EYS: variants seen among roughly 807,000 people sequenced by gnomAD.
EYS encodes protein eyes shut homolog.
EYS carries 250 observed loss-of-function variants against 282.1 expected under a neutral mutation model. That is an observed-to-expected ratio of 0.89 (90% CI 0.80 to 0.98). The LOEUF (loss-of-function observed/expected upper bound fraction) is 0.98, where lower values mean the gene tolerates loss of function less well. EYS is among the 50% of genes least tolerant of loss of function. The pLI is 0.00. For synonymous variants in EYS, 1,355 were observed against 1,282.9 expected (o/e 1.06, Z -1.20); for missense variants, 4,016 against 3,709.0 (o/e 1.08, Z -2.15).
At chr6:65,415,158 T>C (rs752254590) in intron 5 of EYS, among the ~76,000 whole-genome samples, 8 of 152,010 alleles carry the variant, frequency 5.3e-5, no homozygotes, top group Non-Finnish European at 1.0e-4. Flanking sequence ...TATGGTATAG[T>C]GGGGATAAAC....
chr6:64,347,396 T>G (rs972460618), intron 29 of EYS, among the ~76,000 whole-genome samples: 5 of 151,418 alleles, frequency 3.3e-5, no homozygotes, highest in Admixed American at 2.0e-4. Context: ...GAAATGTGTA[T>G]AGAATATTTA....
chr6:65,008,321 C>G (rs1771752177), intron 13 of EYS, among the ~76,000 whole-genome samples: 1 of 152,010 alleles, frequency 6.6e-6, no homozygotes, highest in Admixed American at 6.6e-5. Flanking sequence ...ATTTATCACT[C>G]AATCAGCTGC....
chr6:65,583,604 C>T (rs927741100), intron 2 of EYS, among the ~76,000 whole-genome samples: 4 of 152,048 alleles, frequency 2.6e-5, no homozygotes, highest in Non-Finnish European at 5.9e-5. Context: ...AATATCTTCA[C>T]TTTTTAAAGT....
intron 2 of EYS, among the ~76,000 whole-genome samples, chr6:65,616,677 T>C (rs1766209143): frequency 6.6e-6 from 1 of 151,718 alleles, no homozygotes; most frequent in Non-Finnish European, 1.5e-5. Flanking sequence ...TCCTAGCTAC[T>C]CGGAAGGCTG....
chr6:64,244,021 G>A (rs1382038604), intron 30 of EYS, among the ~76,000 whole-genome samples: 1 of 151,984 alleles, frequency 6.6e-6, no homozygotes, highest in Admixed American at 6.6e-5. Flanking sequence ...AATGTCCCCA[G>A]TTTTCATTTT....
intron 33 of EYS, among the ~76,000 whole-genome samples, chr6:64,041,521 C>T (rs1465338344): frequency 1.3e-5 from 2 of 152,032 alleles, no homozygotes; most frequent in African/African-American, 4.8e-5. Context: ...AAAATGTTGC[C>T]CTTTTAATGT....
intron 31 of EYS, among the ~76,000 whole-genome samples, chr6:64,094,273 A>T (rs934022273): frequency 6.6e-6 from 1 of 151,874 alleles, no homozygotes; most frequent in African/African-American, 2.4e-5. Flanking sequence ...GCCTTATAAA[A>T]CAAGTTAAGG....
intron 22 of EYS, among the ~76,000 whole-genome samples, chr6:64,808,779 T>C (rs1300727312): frequency 6.6e-6 from 1 of 152,116 alleles, no homozygotes; most frequent in African/African-American, 2.4e-5. Context: ...AAATGAATAC[T>C]AGCTATCTTA....
chr6:63,998,483 T>C (rs150467115), intron 34 of EYS, among the ~76,000 whole-genome samples: 299 of 152,332 alleles, frequency 2.0e-3, no homozygotes, highest in African/African-American at 6.7e-3. Flanking sequence ...TTCTCCATGA[T>C]GATCAAATGA....
chr6:63,765,802 C>T (rs1278360662), intron 40 of EYS, among the ~76,000 whole-genome samples: 1 of 152,006 alleles, frequency 6.6e-6, no homozygotes, highest in East Asian at 1.9e-4. Context: ...TTACCTACCA[C>T]CGTTCTCAGC....
intron 33 of EYS, among the ~76,000 whole-genome samples, chr6:64,045,088 C>T (rs1770557460): frequency 6.6e-6 from 1 of 152,166 alleles, no homozygotes; most frequent in African/African-American, 2.4e-5. Flanking sequence ...TGTGAGCACA[C>T]AGGCCATTCA....
chr6:65,605,080 A>G (rs1765740824), intron 2 of EYS, among the ~76,000 whole-genome samples: 1 of 150,940 alleles, frequency 6.6e-6, no homozygotes, highest in East Asian at 2.0e-4. Context: ...CCTGGACTCA[A>G]GCAATCCTCC....
intron 1 of EYS, among the ~76,000 whole-genome samples, chr6:65,682,416 A>G (rs1284791312): frequency 1.3e-5 from 2 of 151,986 alleles, no homozygotes; most frequent in African/African-American, 4.8e-5. Context: ...GCTTTTAGCT[A>G]TCCTAACATA....
At chr6:64,259,171 TG>T (rs1273464341) in intron 30 of EYS, among the ~76,000 whole-genome samples, 1 of 152,006 alleles carries the variant, frequency 6.6e-6, no homozygotes, top group Non-Finnish European at 1.5e-5. Flanking sequence ...TTACAAAAGC[TG>T]GGGTCTGGGA....
intron 14 of EYS, among the ~76,000 whole-genome samples, chr6:64,964,114 AACAC>A (rs1554221976): frequency 6.6e-6 from 1 of 151,950 alleles, no homozygotes; most frequent in Admixed American, 6.5e-5. Flanking sequence ...ATTTTTAATA[AACAC>A]ACACTTCTCA....
At chr6:64,947,609 G>A in intron 14 of EYS, among the ~76,000 whole-genome samples, 1 of 148,360 alleles carries the variant, frequency 6.7e-6, no homozygotes, top group East Asian at 2.0e-4. Flanking sequence ...CCATGAGTGT[G>A]GTAACATTTA....
At chr6:64,118,492 A>G (rs1773465351) in intron 31 of EYS, among the ~76,000 whole-genome samples, 1 of 152,154 alleles carries the variant, frequency 6.6e-6, no homozygotes, top group South Asian at 2.1e-4. Context: ...CATATCCAGA[A>G]AAATGAAACT....
At chr6:63,984,726 C>T (rs1244090758) in intron 34 of EYS, 123 bp from the exon 35 acceptor site, 2 of 797,790 alleles carry the variant, frequency 2.5e-6, no homozygotes, top group Admixed American at 5.5e-5. Context: ...AAAGAGGTTG[C>T]TATTGTTGGC....
intron 22 of EYS, among the ~76,000 whole-genome samples, chr6:64,705,545 C>A (rs1280313707): frequency 6.6e-6 from 1 of 151,912 alleles, no homozygotes; most frequent in African/African-American, 2.4e-5. Flanking sequence ...AAGCACAAAT[C>A]TGTAACCAAT....
Sources: allele counts gnomAD v4.1 joint callset (sites outside exome capture counted in the v4.1 genomes callset), GRCh38; gene constraint gnomAD v4.1.1; transcripts MANE v1.5; gene names NCBI Gene and HGNC (gene_info 2026-07-23, HGNC 2026-07-21).